Variants in SPACA1 observed in about 807,000 individuals in gnomAD.
The protein encoded by SPACA1 is sperm acrosome associated 1.
In SPACA1, 17 loss-of-function variants were observed where a neutral mutation model predicts 32.6. The ratio of observed to expected loss-of-function variants is 0.52; its 90% CI spans 0.36 to 0.78. The LOEUF (loss-of-function observed/expected upper bound fraction) is 0.78. Ranked by LOEUF, SPACA1 falls within the 30% of genes least tolerant of loss-of-function variation. The pLI is 0.01. For missense variants in SPACA1, 363 were observed against 373.4 expected (o/e 0.97, Z 0.23); for synonymous variants, 140 against 138.1 (o/e 1.01, Z -0.10).
chr6:88,047,735 C>G, upstream of SPACA1: 1 of 681,462 alleles, frequency 1.5e-6, no homozygotes, highest in African/African-American at 1.8e-5. Flanking sequence ...CGCGCGAGTT[C>G]CAGGCGCTCA....
At chr6:88,058,512 G>C (rs956823970) in intron 3 of SPACA1, among the ~76,000 whole-genome samples, 5 of 152,126 alleles carry the variant, frequency 3.3e-5, no homozygotes, top group African/African-American at 1.2e-4. Flanking sequence ...AGTGGCATGT[G>C]CATGTAGTCC....
intron 2 of SPACA1, among the ~76,000 whole-genome samples, chr6:88,054,800 C>CT (rs1251633613): frequency 6.6e-6 from 1 of 152,084 alleles, no homozygotes; most frequent in Non-Finnish European, 1.5e-5. Flanking sequence ...TTTGGAGAAG[C>CT]TTTTTAAAAT....
intron 5 of SPACA1, among the ~76,000 whole-genome samples, chr6:88,060,408 A>G (rs965034556): frequency 3.9e-5 from 6 of 152,210 alleles, no homozygotes; most frequent in African/African-American, 1.4e-4. Flanking sequence ...CAAAAGTTGC[A>G]TGTAACTTTA....
At chr6:88,065,085 C>T (rs979476829) in intron 6 of SPACA1, among the ~76,000 whole-genome samples, 2 of 148,372 alleles carry the variant, frequency 1.3e-5, no homozygotes, top group African/African-American at 4.9e-5. Flanking sequence ...GGGTGTAATG[C>T]TCATGTAACT....
chr6:88,059,343 AC>A, intron 4 of SPACA1, 109 bp from the exon 5 acceptor site: 1 of 959,356 alleles, frequency 1.0e-6, no homozygotes, highest in Non-Finnish European at 1.5e-6. Context: ...TAATTACTCA[AC>A]TAGGCTAAGA....
intron 6 of SPACA1, among the ~76,000 whole-genome samples, chr6:88,065,128 A>G (rs551395816): frequency 1.3e-5 from 2 of 148,680 alleles, no homozygotes; most frequent in South Asian, 4.2e-4. Flanking sequence ...TTACATATGT[A>G]TATTTCTACC....
intron 5 of SPACA1, among the ~76,000 whole-genome samples, chr6:88,062,117 G>A (rs967451010): frequency 2.6e-5 from 4 of 152,148 alleles, no homozygotes; most frequent in Non-Finnish European, 5.9e-5. Context: ...ATCCAACAAT[G>A]TTGGAACGTA....
In SPACA1 at chr6:88,058,758, C is replaced by T. The variant is rs377541479; in HGVS notation, c.410C>T (p.Ala137Val). ...GAAAGTCTTGAAAGTGTTAGATTGG[C>T]ATGTATTCACACATCTCCCTTAAAT... ...ISESLESVRL[A>V]CIHTSPLNRF... The change falls in exon 4 of 7, where the codon GCA becomes GTA. Residue 137 changes from alanine (A) to valine (V), a missense_variant. By Grantham distance (64) the Ala-to-Val change is moderately conservative. Transcript: ENST00000237201. 1 of 1,613,688 alleles carries T rather than the reference C, an allele frequency of 6.2e-7. No homozygotes were observed. Among genetic ancestry groups the T allele is most frequent in the Non-Finnish European group, 8.5e-7 (1 of 1,179,856 alleles).
intron 6 of SPACA1, among the ~76,000 whole-genome samples, chr6:88,065,389 C>T (rs1775966811): frequency 6.8e-6 from 1 of 147,120 alleles, no homozygotes; most frequent in South Asian, 2.1e-4. Flanking sequence ...ACATATAGTA[C>T]ATATGACCTG....
upstream of SPACA1, chr6:88,047,797 A>G (rs1039483658): frequency 9.0e-7 from 1 of 1,117,216 alleles, no homozygotes; most frequent in Non-Finnish European, 1.2e-6. Context: ...TCGTCACGGG[A>G]TTCGGAGCCG....
chr6:88,065,732 A>T (rs1406169914), intron 6 of SPACA1, among the ~76,000 whole-genome samples: 1 of 150,824 alleles, frequency 6.6e-6, no homozygotes, highest in Non-Finnish European at 1.5e-5. Flanking sequence ...TTTAAAAATC[A>T]GCCTTCCGAT....
intron 1 of SPACA1, among the ~76,000 whole-genome samples, chr6:88,052,618 C>G (rs943284171): frequency 4.6e-5 from 7 of 152,118 alleles, no homozygotes; most frequent in Non-Finnish European, 8.8e-5. Flanking sequence ...TGGTGGATCA[C>G]TTGAGGTCAG....
rs77775628 is a variant in SPACA1, at chr6:88,063,237, T to C, written c.611-862T>C. Reference sequence around the variant, plus strand: ...AGACATTTAGCCAAAAATTAAGATATATATTCACAAAATGACTTGTATAAG... The same window carrying C: ...AGACATTTAGCCAAAAATTAAGATACATATTCACAAAATGACTTGTATAAG... On this transcript the variant is annotated intron_variant, in intron 5 of 6. Coordinates refer to ENST00000237201, the MANE Select transcript of SPACA1 (RefSeq NM_030960.3). Among the ~76,000 whole-genome samples, 121 of 152,286 alleles carry C rather than the reference T, an allele frequency of 7.9e-4. 1 individual carries two copies. In the East Asian group the frequency reaches 0.022, roughly 28 times the overall value.
In SPACA1 at chr6:88,066,470, G is replaced by A. The variant is rs1222032012; in HGVS notation, c.*135G>A. 1.4e-6 allele frequency: 1 copy of A among 728,382 alleles called. No individual in the cohort carries two copies. The allele number at this position is 728,382 out of a possible 1,614,324, so 45.1% of individuals were successfully genotyped here. On this transcript the variant is annotated 3_prime_UTR_variant, in exon 7 of 7. Coordinates refer to ENST00000237201, the MANE Select transcript of SPACA1 (RefSeq NM_030960.3). Reference sequence around the variant, plus strand: ...CAGTGTGAAGGAAATGCAGTGTGGGGATAGGACTATTTTATCAGTGCATTT... The same window carrying A: ...CAGTGTGAAGGAAATGCAGTGTGGGAATAGGACTATTTTATCAGTGCATTT...
chr6:88,062,715 G>C (rs975829391), intron 5 of SPACA1, among the ~76,000 whole-genome samples: 1 of 152,122 alleles, frequency 6.6e-6, no homozygotes, highest in Admixed American at 6.6e-5. Context: ...TAGGGAGGCT[G>C]AGGTGGGAAG....
At chr6:88,054,032 A>G (rs1010759721) in intron 2 of SPACA1, 30 bp downstream of exon 2, 17 of 1,607,492 alleles carry the variant, frequency 1.1e-5, no homozygotes, top group Non-Finnish European at 1.4e-5. Context: ...TGAATAAACC[A>G]TGTTGTAATT....
At chr6:88,059,705 A>C in intron 5 of SPACA1, 117 bp downstream of exon 5, 2 of 1,069,766 alleles carry the variant, frequency 1.9e-6, no homozygotes. Context: ...TTTCTGATTC[A>C]GTAGATTTGG....
chr6:88,056,725 T>C (rs1775814653), intron 2 of SPACA1, among the ~76,000 whole-genome samples: 2 of 152,064 alleles, frequency 1.3e-5, no homozygotes, highest in Non-Finnish European at 1.5e-5. Context: ...ATTAAGGAAA[T>C]AAAAATGGAC....
chr6:88,064,020 C>T (rs2276090), intron 5 of SPACA1, 79 bp from the exon 6 acceptor site: 1 of 1,481,402 alleles, frequency 6.8e-7, no homozygotes, highest in East Asian at 2.4e-5. Flanking sequence ...AGTTGTTTTT[C>T]AAATATAAAC....
Sources: allele counts gnomAD v4.1 joint callset (sites outside exome capture counted in the v4.1 genomes callset), GRCh38; gene constraint gnomAD v4.1.1; transcripts MANE v1.5; gene names NCBI Gene and HGNC (gene_info 2026-07-23, HGNC 2026-07-21).